ZNF197: variants seen among roughly 807,000 people sequenced by gnomAD.
ZNF197 encodes zinc finger protein 197, also known as VHL-associated KRAB-A domain-containing protein.
Under a neutral mutation model 27.4 loss-of-function variants are expected in ZNF197, and 14 were observed. That is an observed-to-expected ratio of 0.51 (90% CI 0.34 to 0.80). ZNF197 has a LOEUF of 0.80. ZNF197 is among the 30% of genes least tolerant of loss of function. ZNF197 has a pLI of 0.02. For synonymous variants in ZNF197, 415 were observed against 420.0 expected (o/e 0.99, Z 0.15); for missense variants, 1,090 against 1,222.6 (o/e 0.89, Z 1.62).
chr3:44,629,588 A>G (rs1403555640), intron 2 of ZNF197, 44 bp downstream of exon 2: 8 of 1,512,742 alleles, frequency 5.3e-6, no homozygotes, highest in Non-Finnish European at 7.1e-6. Flanking sequence ...GATGAAAGGA[A>G]GGAAAGAATT....
chr3:44,628,285 T>A (rs577080978), intron 1 of ZNF197, among the ~76,000 whole-genome samples: 35 of 152,352 alleles, frequency 2.3e-4, no homozygotes, highest in African/African-American at 8.4e-4. Flanking sequence ...TAGAAAAATG[T>A]TATTTCTAAA....
intron 1 of ZNF197, among the ~76,000 whole-genome samples, chr3:44,628,819 G>A (rs1008235974): frequency 6.6e-6 from 1 of 152,174 alleles, no homozygotes; most frequent in African/African-American, 2.4e-5. Context: ...GTAATTAGCT[G>A]AAGGGATCCT....
At chr3:44,639,168 A>T (rs1226598278) in intron 5 of ZNF197, among the ~76,000 whole-genome samples, 12 of 152,204 alleles carry the variant, frequency 7.9e-5, no homozygotes, top group Admixed American at 7.9e-4. Context: ...TCCTGTGATA[A>T]ATCTCACCTG....
At position 44,644,612 on chromosome 3, in the gene ZNF197, C is replaced by T. The variant is rs1702847260; in HGVS notation, c.*392C>T. The T allele has an allele frequency of 1.0e-6, 1 of 989,340 alleles. No homozygotes were observed. Among genetic ancestry groups the T allele is most frequent in the Non-Finnish European group, 1.2e-6 (1 of 832,690 alleles). 61.3% of individuals were successfully genotyped at this position (989,340 alleles called of 1,614,324 possible). On this transcript the variant is annotated 3_prime_UTR_variant, in exon 6 of 6. Coordinates refer to ENST00000344387, the MANE Select transcript of ZNF197 (RefSeq NM_006991.5). ...CAGGATCGCGCCATTGCACTCCAGC[C>T]TGGGCAACAAGAGCGAAACTCTTGT... is the stretch of plus-strand genomic sequence containing the variant.
chr3:44,645,884 G>T lies in ZNF197; in HGVS notation c.*1664G>T, dbSNP rs1017964542. ...TCTGTGCCCTTGAGTACATTTGTGG[G>T]TTTAACTCAGTCTATATTCTTAAGT... On this transcript the variant is annotated 3_prime_UTR_variant, in exon 6 of 6. Transcript: ENST00000344387. The T allele has an allele frequency of 1.0e-6, 1 of 985,294 alleles. No homozygotes were observed. The highest frequency in any genetic ancestry group is 1.7e-5 in the African/African-American group (1 of 57,232). The allele number at this position is 985,294 out of a possible 1,614,324, so 61.0% of individuals were successfully genotyped here. A position where few individuals can be genotyped will look rare whatever the true frequency, so the allele number is the denominator to read the frequency against.
At chr3:44,630,914 G>A in intron 2 of ZNF197, 148 bp from the exon 3 acceptor site, 1 of 1,098,224 alleles carries the variant, frequency 9.1e-7, no homozygotes, top group Non-Finnish European at 1.4e-6. Context: ...TCAATGCAAA[G>A]CTTTACTGCT....
rs918980091 is a variant in ZNF197, at chr3:44,642,939, C to T, written c.1809C>T (p.Phe603=). 6.2e-7 allele frequency: 1 copy of T among 1,613,998 alleles called. No homozygotes were observed. The highest frequency in any genetic ancestry group is 8.5e-7 in the Non-Finnish European group (1 of 1,180,002). Residue 603 remains phenylalanine, a synonymous_variant, in exon 6 of 6, where the codon TTC becomes TTT. Coordinates refer to ENST00000344387, the MANE Select transcript of ZNF197 (RefSeq NM_006991.5). ...TFGCKKCGKI[F]SSKSNFIDHK... is the part of the protein sequence containing the mutation. ...GTTGTAAAAAGTGTGGGAAGATTTT[C>T]AGTTCTAAGTCAAACTTCATTGACC...
At chr3:44,626,747 G>C (rs890195886) in intron 1 of ZNF197, among the ~76,000 whole-genome samples, 1 of 152,146 alleles carries the variant, frequency 6.6e-6, no homozygotes, top group Non-Finnish European at 1.5e-5. Flanking sequence ...ATTATAAATT[G>C]GTTCAATCCT....
intron 3 of ZNF197, 78 bp downstream of exon 3, chr3:44,631,299 C>T: frequency 6.4e-7 from 1 of 1,554,648 alleles, no homozygotes. Context: ...CAGGGAGTTG[C>T]TTCCTCTGCT....
intron 4 of ZNF197, 85 bp downstream of exon 4, chr3:44,632,281 C>T (rs1250974191): frequency 3.3e-6 from 5 of 1,536,982 alleles, no homozygotes; most frequent in Non-Finnish European, 4.5e-6. Flanking sequence ...CTTCAATGTC[C>T]AGTCAGTTCC....
chr3:44,642,312 T>G lies in ZNF197; in HGVS notation c.1182T>G (p.Gly394=). The part of the protein sequence containing the change: ...HLINHRRIHT[G]EKPHKCKECG... ...TAAACCATCGGAGAATCCACACTGG[T>G]GAGAAACCTCATAAATGTAAGGAAT... Residue 394 remains glycine (G), a synonymous_variant, in exon 6 of 6, where the codon GGT becomes GGG. Transcript: ENST00000344387. 2 of 1,614,160 alleles carry G rather than the reference T, an allele frequency of 1.2e-6. No individual in the cohort carries two copies. Among genetic ancestry groups the G allele is most frequent in the South Asian group, 2.2e-5 (2 of 91,080 alleles).
At chr3:44,629,887 T>C (rs1429038629) in intron 2 of ZNF197, among the ~76,000 whole-genome samples, 1 of 152,168 alleles carries the variant, frequency 6.6e-6, no homozygotes, top group African/African-American at 2.4e-5. Context: ...ATGTATTGTT[T>C]CTATAATTCT....
At chr3:44,641,745 G>GC (rs1702612946) in intron 5 of ZNF197, among the ~76,000 whole-genome samples, 155 bp from the exon 6 acceptor site, 1 of 152,172 alleles carries the variant, frequency 6.6e-6, no homozygotes, top group Admixed American at 6.5e-5. Flanking sequence ...TGTCAGTGTA[G>GC]CATTATTCTT....
rs148634973 is a variant in ZNF197, at chr3:44,647,390, T to G, written c.*3170T>G. ...GGTACAGCCACTCTGGAATATAATT[T>G]GGCAGTTTCTTGTAAAACCACACAT... On this transcript the variant is annotated 3_prime_UTR_variant, in exon 6 of 6. Transcript: ENST00000344387. The G allele has an allele frequency of 1.8e-4, 28 of 152,266 alleles. No homozygotes were observed. The highest frequency in any genetic ancestry group is 3.5e-4 in the Non-Finnish European group (24 of 68,012). 9.4% of individuals were successfully genotyped at this position (152,266 alleles called of 1,614,324 possible). A position where few individuals can be genotyped will look rare whatever the true frequency, so the allele number is the denominator to read the frequency against.
In ZNF197 at chr3:44,646,640, A is replaced by G. The variant is rs530400924; in HGVS notation, c.*2420A>G. ...AAGAGAGGGGAGTGAAAATTGTTCA[A>G]GCTGTCTTGAGTCTGCTGTGAGTTT... is the stretch of plus-strand genomic sequence containing the variant. On this transcript the variant is annotated 3_prime_UTR_variant, in exon 6 of 6. Transcript: ENST00000344387. The G allele has an allele frequency of 3.1e-5, 22 of 704,888 alleles. No individual in the cohort carries two copies. In the East Asian group the frequency reaches 5.1e-4, roughly 16 times the overall value. The allele number at this position is 704,888 out of a possible 1,614,324, so 43.7% of individuals were successfully genotyped here.
In ZNF197 at chr3:44,643,228, C is replaced by T; in HGVS notation, c.2098C>T (p.His700Tyr). The T allele has an allele frequency of 6.2e-7, 1 of 1,614,016 alleles. No individual in the cohort carries two copies. Among genetic ancestry groups the T allele is most frequent in the Non-Finnish European group, 8.5e-7 (1 of 1,180,028 alleles). The change falls in exon 6 of 6, where the codon CAC (histidine) becomes TAC (tyrosine). Residue 700 changes from histidine (H) to tyrosine (Y), a missense_variant. Transcript: ENST00000344387. ...AAACCTCATTGACCATGAGAGACTCCACAATGGGGAGAAGCCATATGAATG... is the reference window on the plus strand; with the variant it reads ...AAACCTCATTGACCATGAGAGACTCTACAATGGGGAGAAGCCATATGAATG... ...NRNLIDHERL[H>Y]NGEKPYECRE...
chr3:44,646,429 A>C lies in ZNF197; in HGVS notation c.*2209A>C. The C allele has an allele frequency of 1.2e-6, 2 of 1,611,404 alleles. No individual in the cohort carries two copies. The highest frequency in any genetic ancestry group is 1.7e-6 in the Non-Finnish European group (2 of 1,178,906). ...CCCACATAATGTGCCACCTTCTGTG[A>C]TGTAATAAGCTGAAAAATGTTCAAC... is the stretch of plus-strand genomic sequence containing the variant. On this transcript the variant is annotated 3_prime_UTR_variant, in exon 6 of 6. Coordinates refer to ENST00000344387, the MANE Select transcript of ZNF197 (RefSeq NM_006991.5).
intron 5 of ZNF197, among the ~76,000 whole-genome samples, chr3:44,638,634 ACAG>A (rs1162579923): frequency 2.0e-5 from 3 of 152,214 alleles, no homozygotes; most frequent in Non-Finnish European, 4.4e-5. Context: ...GCAAGAGCAG[ACAG>A]CCTTTTCTTG....
chr3:44,634,317 A>G (rs1245913092), intron 5 of ZNF197, among the ~76,000 whole-genome samples: 1 of 151,760 alleles, frequency 6.6e-6, no homozygotes, highest in African/African-American at 2.4e-5. Flanking sequence ...TGTTTTTCCC[A>G]TTTGTTTGCC....
Sources: gnomAD v4.1 joint callset for allele counts (sites outside exome capture counted in the v4.1 genomes callset) on GRCh38, gnomAD v4.1.1 for gene constraint, MANE v1.5 for transcripts, NCBI Gene and HGNC (gene_info 2026-07-23, HGNC 2026-07-21) for gene names.